GTPBP1: variants seen among roughly 807,000 people sequenced by gnomAD.
GTPBP1 encodes GTP binding protein 1, also known as GTP-binding protein 1.
In GTPBP1, 23 loss-of-function variants were observed where a neutral mutation model predicts 62.0. That is an observed-to-expected ratio of 0.37 (90% confidence interval 0.27 to 0.53). The LOEUF (loss-of-function observed/expected upper bound fraction) is 0.53. GTPBP1 is among the 20% of genes least tolerant of loss of function. The pLI, the probability that GTPBP1 is intolerant of heterozygous loss-of-function variation, is 0.89. For missense variants in GTPBP1, 640 were observed against 917.3 expected, an observed-to-expected ratio of 0.70 and a Z score of 3.90; for synonymous variants, 344 against 364.4, an observed-to-expected ratio of 0.94 and a Z score of 0.64.
At position 38,728,084 on chromosome 22, in the gene GTPBP1, A is replaced by G; in HGVS notation, c.1639A>G (p.Thr547Ala). 6.2e-7 allele frequency: 1 copy of G among 1,612,914 alleles called. No homozygotes were observed. Among genetic ancestry groups the G allele is most frequent in the Non-Finnish European group, 8.5e-7 (1 of 1,179,112 alleles). Residue 547 changes from threonine to alanine, a missense_variant, in exon 10 of 12, where the codon ACC (threonine) becomes GCC (alanine). Thr to Ala is a moderately conservative substitution (Grantham distance 58, BLOSUM62 0). Coordinates refer to ENST00000216044, the MANE Select transcript of GTPBP1 (RefSeq NM_004286.5). Reference sequence around the variant, plus strand: ...CACTGTACACTTCCGCTTCATCAAGACCCCTGAGTACCTGCACATAGACCA... The same window carrying G: ...CACTGTACACTTCCGCTTCATCAAGGCCCCTGAGTACCTGCACATAGACCA... The part of the protein sequence containing the change: ...KATVHFRFIK[T>A]PEYLHIDQRL...
At chr22:38,738,001 G>A (rs535796010), downstream of GTPBP1, 80 of 724,844 alleles carry the variant, frequency 1.1e-4, no homozygotes, top group Non-Finnish European at 1.8e-4. The surrounding 1 kb of genome is among the most constrained non-coding windows in gnomAD (Gnocchi z 6.6). Context: ...CTGTGCTGAC[G>A]TCTGCAGGAT....
At chr22:38,741,122 G>A (rs1189366789), downstream of GTPBP1, 37 of 1,502,230 alleles carry the variant, frequency 2.5e-5, 1 homozygote, top group South Asian at 4.4e-4. Flanking sequence ...AGGATCTGCT[G>A]TCTGTTAGCG....
At chr22:38,735,585 C>T, downstream of GTPBP1, 1 of 215,262 alleles carries the variant, frequency 4.6e-6, no homozygotes, top group Non-Finnish European at 9.6e-6. Flanking sequence ...GGGAAGCCTA[C>T]AGGGTTGGCC....
At position 38,728,144 on chromosome 22, in the gene GTPBP1, G is replaced by A. The variant is rs557399313; in HGVS notation, c.1699G>A (p.Val567Ile). Residue 567 changes from valine to isoleucine, a missense_variant, in exon 10 of 12, where the codon GTC (valine) becomes ATC (isoleucine). Coordinates refer to ENST00000216044, the MANE Select transcript of GTPBP1 (RefSeq NM_004286.5). ...GTTCCGGGAAGGCCGCACCAAGGCTGTCGGCACCATCACCAAGGTATGGCC... is the reference window on the plus strand; with the variant it reads ...GTTCCGGGAAGGCCGCACCAAGGCTATCGGCACCATCACCAAGGTATGGCC... ...LVFREGRTKA[V>I]GTITKLLQTT... is the part of the protein sequence containing the mutation. The A allele has an allele frequency of 8.5e-5, 137 of 1,613,384 alleles. 2 individuals are homozygous for A. In the South Asian group the frequency reaches 1.5e-3, roughly 17 times the overall value.
chr22:38,740,998 G>A (rs778700058), downstream of GTPBP1: 27 of 1,589,108 alleles, frequency 1.7e-5, no homozygotes, highest in African/African-American at 1.3e-4. This position sits in a 1 kb window ranked among gnomAD's most constrained non-coding sequence, Gnocchi z 4.8. Flanking sequence ...AGCTGGTGGC[G>A]CCCAGTACCT....
At chr22:38,729,809 G>C (rs1170673293) in intron 11 of GTPBP1, 147 bp downstream of exon 11, 2 of 509,018 alleles carry the variant, frequency 3.9e-6, no homozygotes, top group African/African-American at 2.0e-5. Flanking sequence ...CTAAGAATGA[G>C]GCATTTGTCT....
At chr22:38,713,622 G>A (rs1438692223) in intron 2 of GTPBP1, among the ~76,000 whole-genome samples, 1 of 152,184 alleles carries the variant, frequency 6.6e-6, no homozygotes, top group African/African-American at 2.4e-5. Flanking sequence ...CAGGCAGTAA[G>A]AGGAAAAGGC....
chr22:38,733,171 C>G lies in GTPBP1; in HGVS notation c.*2467C>G, dbSNP rs1048737101. ...CTCCTGCTCTTTGTCCCGACTCTGG[C>G]CCTGCTTACAGGGGCCACTACCTGC... On this transcript the variant is annotated 3_prime_UTR_variant, in exon 12 of 12. Coordinates refer to ENST00000216044, the MANE Select transcript of GTPBP1 (RefSeq NM_004286.5). 1.3e-5 allele frequency: 2 copies of G among 152,300 alleles called. No homozygotes were observed. Among genetic ancestry groups the G allele is most frequent in the African/African-American group, 4.8e-5 (2 of 41,474 alleles). The allele number at this position is 152,300 out of a possible 1,614,324, so 9.4% of individuals were successfully genotyped here. A position where few individuals can be genotyped will look rare whatever the true frequency, so the allele number is the denominator to read the frequency against.
At chr22:38,738,037 A>G (rs777256877), downstream of GTPBP1, 12 of 810,616 alleles carry the variant, frequency 1.5e-5, no homozygotes, top group South Asian at 1.5e-4. The surrounding 1 kb of genome is among the most constrained non-coding windows in gnomAD (Gnocchi z 6.6). Context: ...TTTGGATATC[A>G]CATCTTGAGC....
chr22:38,714,478 C>CAAAAAAAA (rs34257833), intron 2 of GTPBP1, among the ~76,000 whole-genome samples: 32 of 46,334 alleles, frequency 6.9e-4, no homozygotes, highest in East Asian at 2.1e-3. Flanking sequence ...GACTCCATCT[C>CAAAAAAAA]AAAAAAAAAA....
chr22:38,709,100 T>C, intron 2 of GTPBP1, 144 bp downstream of exon 2: 2 of 539,414 alleles, frequency 3.7e-6, no homozygotes, highest in South Asian at 4.0e-5. Flanking sequence ...CTGGCCAACA[T>C]GGTGAAACCC....
At chr22:38,711,449 C>T (rs2092638985) in intron 2 of GTPBP1, among the ~76,000 whole-genome samples, 1 of 152,042 alleles carries the variant, frequency 6.6e-6, no homozygotes, top group Non-Finnish European at 1.5e-5. Context: ...AATGAGAATT[C>T]AAGGAAATCA....
intron 1 of GTPBP1, chr22:38,706,552 CCG>C (rs2092606111): frequency 6.0e-6 from 1 of 166,108 alleles, no homozygotes; most frequent in Admixed American, 6.1e-5. Flanking sequence ...TCTCCCTGGA[CCG>C]CGCGGGACAG....
chr22:38,718,764 GAA>G (rs1357095141), intron 4 of GTPBP1, among the ~76,000 whole-genome samples: 3 of 152,200 alleles, frequency 2.0e-5, no homozygotes, highest in Non-Finnish European at 4.4e-5. Context: ...ACAAAATTGT[GAA>G]AAGTTTCCTC....
At chr22:38,723,679 C>T (rs2092712591) in intron 5 of GTPBP1, among the ~76,000 whole-genome samples, 1 of 152,180 alleles carries the variant, frequency 6.6e-6, no homozygotes, top group African/African-American at 2.4e-5. Flanking sequence ...TCTTGAGATC[C>T]TGAATCTGGC....
chr22:38,715,091 T>A (rs1034953493), intron 2 of GTPBP1, among the ~76,000 whole-genome samples: 4 of 152,140 alleles, frequency 2.6e-5, no homozygotes, highest in Non-Finnish European at 1.5e-5. Flanking sequence ...GTCGTCATTA[T>A]CTCTTGCCTG....
intron 6 of GTPBP1, among the ~76,000 whole-genome samples, chr22:38,724,958 GTTGAA>G (rs1306586591): frequency 6.6e-6 from 1 of 152,198 alleles, no homozygotes; most frequent in African/African-American, 2.4e-5. Flanking sequence ...AGGATTCAGA[GTTGAA>G]TTGAACACAA....
At chr22:38,714,368 A>G (rs913630287) in intron 2 of GTPBP1, among the ~76,000 whole-genome samples, 1 of 151,642 alleles carries the variant, frequency 6.6e-6, no homozygotes, top group African/African-American at 2.4e-5. Context: ...AATCCCAGCT[A>G]CCTGGGAGGC....
chr22:38,719,694 A>G (rs937493666), intron 4 of GTPBP1, among the ~76,000 whole-genome samples: 2 of 151,638 alleles, frequency 1.3e-5, no homozygotes, highest in Non-Finnish European at 2.9e-5. Context: ...ACAAAGTCAC[A>G]ATGTAGACAT....
Sources: allele counts gnomAD v4.1 joint callset (sites outside exome capture counted in the v4.1 genomes callset), GRCh38; gene constraint gnomAD v4.1.1; non-coding constraint Gnocchi (gnomAD v3.1); transcripts MANE v1.5; gene names NCBI Gene and HGNC (gene_info 2026-07-23, HGNC 2026-07-21).